CACNA1C: variants seen among roughly 807,000 people sequenced by gnomAD.
CACNA1C encodes voltage-dependent L-type calcium channel subunit alpha-1C.
CACNA1C carries 30 observed loss-of-function variants against 229.0 expected under a neutral mutation model. The observed-to-expected ratio is 0.13, with a 90% CI of 0.10 to 0.18. The LOEUF (loss-of-function observed/expected upper bound fraction) is 0.18. Among genes scored for constraint, CACNA1C ranks in the 10% least tolerant of loss-of-function variants. The pLI is 1.00. For missense variants in CACNA1C, 1,658 were observed against 2,845.0 expected, an observed-to-expected ratio of 0.58 and a Z score of 9.49; for synonymous variants, 1,114 against 1,132.5, an observed-to-expected ratio of 0.98 and a Z score of 0.33.
intron 30 of CACNA1C, among the ~76,000 whole-genome samples, chr12:2,642,129 G>A (rs781167853): frequency 1.3e-5 from 2 of 152,112 alleles, no homozygotes; most frequent in Non-Finnish European, 2.9e-5. Flanking sequence ...ATGGGAACCT[G>A]TTTTTTTATA....
intron 5 of CACNA1C, among the ~76,000 whole-genome samples, chr12:2,461,907 T>C (rs1276254460): frequency 6.6e-6 from 1 of 152,160 alleles, no homozygotes; most frequent in African/African-American, 2.4e-5. Flanking sequence ...ACCCCTATCA[T>C]GGCCCGGACC....
chr12:2,278,768 C>T lies in CACNA1C; in HGVS notation c.477+158338C>T, dbSNP rs1048698300. Among the ~76,000 whole-genome samples the T allele has an allele frequency of 2.0e-4, 30 of 152,196 alleles. 1 individual carries two copies. Among genetic ancestry groups the T allele is most frequent in the African/African-American group, 7.2e-4 (30 of 41,446 alleles). ...ATACCTGGGAGTGGAATGGTTACATCATGTGGTAGTGTACGTTTAGTGTTT... is the reference window on the plus strand; with the variant it reads ...ATACCTGGGAGTGGAATGGTTACATTATGTGGTAGTGTACGTTTAGTGTTT... On this transcript the variant is annotated intron_variant, in intron 3 of 46. Transcript: ENST00000399655.
chr12:2,442,041 A>G (rs2099233370), intron 3 of CACNA1C, among the ~76,000 whole-genome samples: 1 of 152,208 alleles, frequency 6.6e-6, no homozygotes, highest in Admixed American at 6.5e-5. Context: ...AGAGAAGTAG[A>G]GTGACTTGTC....
At chr12:2,426,243 T>C (rs1300827426) in intron 3 of CACNA1C, among the ~76,000 whole-genome samples, 1 of 152,214 alleles carries the variant, frequency 6.6e-6, no homozygotes, top group Non-Finnish European at 1.5e-5. Context: ...TACATGCCTT[T>C]GCCGTGAAGG....
At chr12:2,658,559 TGTCACCG>T (rs533453317) in intron 34 of CACNA1C, among the ~76,000 whole-genome samples, 164 of 152,348 alleles carry the variant, frequency 1.1e-3, no homozygotes, top group African/African-American at 3.7e-3. Context: ...TAAATGACTG[TGTCACCG>T]GTTTATGTCT....
intron 29 of CACNA1C, among the ~76,000 whole-genome samples, chr12:2,621,954 A>G (rs571501708): frequency 2.0e-5 from 3 of 152,348 alleles, no homozygotes; most frequent in Non-Finnish European, 4.4e-5. Flanking sequence ...CTCTGAAGAT[A>G]GAAACTCCAA....
At chr12:2,277,350 GACAGACAGACAGACAC>G (rs1173777218) in intron 3 of CACNA1C, among the ~76,000 whole-genome samples, 82 of 76,444 alleles carry the variant, frequency 1.1e-3, no homozygotes, top group East Asian at 3.6e-3. Flanking sequence ...CAGACAGACA[GACAGACAGACAGACAC>G]ACACACACAC....
At chr12:2,290,771 G>A (rs11614494) in intron 3 of CACNA1C, among the ~76,000 whole-genome samples, 5 of 152,140 alleles carry the variant, frequency 3.3e-5, no homozygotes, top group East Asian at 3.9e-4. Context: ...TCCTACCAGC[G>A]TGGAATGGTA....
chr12:2,653,519 G>A lies in CACNA1C; in HGVS notation c.4075-316G>A, dbSNP rs2095229220. Reference sequence around the variant, plus strand: ...GGTGCTGTCCTCCACGATTTCTCCTGCCTCGTACAGACACACCGCACATGT... The same window carrying A: ...GGTGCTGTCCTCCACGATTTCTCCTACCTCGTACAGACACACCGCACATGT... On this transcript the variant is annotated intron_variant, in intron 32 of 46. Coordinates refer to ENST00000399655, the MANE Select transcript of CACNA1C (RefSeq NM_000719.7). The surrounding 1 kb of genome is among the most constrained non-coding windows in gnomAD (Gnocchi z 4.7). Among the ~76,000 whole-genome samples, 1 of 152,186 alleles carries A rather than the reference G, an allele frequency of 6.6e-6. No individual in the cohort carries two copies. The highest frequency in any genetic ancestry group is 6.5e-5 in the Admixed American group (1 of 15,290).
chr12:2,350,373 T>C (rs915474729), intron 3 of CACNA1C, among the ~76,000 whole-genome samples: 1 of 152,162 alleles, frequency 6.6e-6, no homozygotes, highest in Non-Finnish European at 1.5e-5. Context: ...ACTCTCCCAT[T>C]TTACAGATGA....
chr12:2,588,448 GC>G (rs761679707), intron 18 of CACNA1C, among the ~76,000 whole-genome samples: 1 of 152,190 alleles, frequency 6.6e-6, no homozygotes, highest in Non-Finnish European at 1.5e-5. Context: ...TCCTAGGCTT[GC>G]CCCCTGCCCT....
intron 3 of CACNA1C, among the ~76,000 whole-genome samples, chr12:2,435,692 C>T (rs546685092): frequency 1.6e-4 from 25 of 152,292 alleles, no homozygotes; most frequent in African/African-American, 4.8e-4. Context: ...GCTGGGACAT[C>T]GACCTTGATG....
intron 3 of CACNA1C, among the ~76,000 whole-genome samples, chr12:2,422,702 G>A (rs1272319259): frequency 6.6e-6 from 1 of 152,244 alleles, no homozygotes; most frequent in Non-Finnish European, 1.5e-5. Context: ...TGCAGGGAGG[G>A]TAAAGGGCAC....
intron 29 of CACNA1C, among the ~76,000 whole-genome samples, chr12:2,620,778 C>T (rs1198704042): frequency 6.6e-6 from 1 of 152,234 alleles, no homozygotes; most frequent in Non-Finnish European, 1.5e-5. Flanking sequence ...AAGACTTACA[C>T]ATTGGGGACA....
rs139637060 is a variant in CACNA1C at position 2,175,082 on chromosome 12, C to G, written c.477+54652C>G. ...TTGTTCAAGGTCAGCTGTACTTTGGCATGCATCTCTAACAGACAAGATTTA... is the reference window on the plus strand; with the variant it reads ...TTGTTCAAGGTCAGCTGTACTTTGGGATGCATCTCTAACAGACAAGATTTA... On this transcript the variant is annotated intron_variant, in intron 3 of 46. Transcript: ENST00000399655. 7.3e-5 allele frequency among the ~76,000 whole-genome samples: 11 copies of G among 150,658 alleles called. No individual in the cohort carries two copies. The East Asian group carries it at 2.1e-3, about 29-fold the overall frequency.
At chr12:2,315,670 G>A (rs1033018896) in intron 3 of CACNA1C, among the ~76,000 whole-genome samples, 8 of 152,186 alleles carry the variant, frequency 5.3e-5, no homozygotes, top group Non-Finnish European at 1.0e-4. Context: ...GGGGGAAGGG[G>A]TGTAAAAGGG....
At chr12:2,092,000 G>T (rs1398675578) in intron 1 of CACNA1C, among the ~76,000 whole-genome samples, 1 of 152,100 alleles carries the variant, frequency 6.6e-6, no homozygotes, top group African/African-American at 2.4e-5. Flanking sequence ...GGTCCCTCTC[G>T]CTCTGCCATA....
chr12:2,184,405 T>C (rs2096935117), intron 3 of CACNA1C, among the ~76,000 whole-genome samples: 1 of 152,212 alleles, frequency 6.6e-6, no homozygotes, highest in African/African-American at 2.4e-5. Context: ...CTGGTTGCTG[T>C]AGATGATCTG....
chr12:2,687,005 G>A (rs1297623448), intron 45 of CACNA1C, among the ~76,000 whole-genome samples: 4 of 152,158 alleles, frequency 2.6e-5, no homozygotes, highest in Non-Finnish European at 5.9e-5. Flanking sequence ...GTACCCAAAG[G>A]CATTCAACTG....
Sources: gnomAD v4.1 joint callset for allele counts (sites outside exome capture counted in the v4.1 genomes callset) on GRCh38, gnomAD v4.1.1 for gene constraint, Gnocchi (gnomAD v3.1) non-coding constraint, MANE v1.5 for transcripts, NCBI Gene and HGNC (gene_info 2026-07-23, HGNC 2026-07-21) for gene names.